The following CDH7 variants were observed in gnomAD, a reference collection of about 807,000 sequenced individuals.
CDH7 encodes the protein cadherin-7.
CDH7 carries 25 observed loss-of-function variants against 71.8 expected under a neutral mutation model. The ratio of observed to expected loss-of-function variants is 0.35; its 90% CI spans 0.25 to 0.49. The LOEUF is 0.49. Ranked by LOEUF, CDH7 falls within the 20% of genes least tolerant of loss-of-function variation. The pLI is 0.99. For synonymous variants in CDH7, 381 were observed against 363.8 expected (o/e 1.05, Z -0.54); for missense variants, 862 against 974.6 (o/e 0.88, Z 1.54).
intron 4 of CDH7, among the ~76,000 whole-genome samples, chr18:65,820,842 T>G (rs1486481608): frequency 6.6e-6 from 1 of 152,142 alleles, no homozygotes; most frequent in African/African-American, 2.4e-5. Context: ...GCTGCAGTGT[T>G]TCCTTTACTG....
At chr18:65,802,456 G>A (rs993563559) in intron 2 of CDH7, among the ~76,000 whole-genome samples, 1 of 152,132 alleles carries the variant, frequency 6.6e-6, no homozygotes, top group African/African-American at 2.4e-5. Context: ...CTCACTTTGA[G>A]TGGTGATACT....
chr18:65,813,153 A>G (rs1911601644), intron 3 of CDH7, among the ~76,000 whole-genome samples: 1 of 152,046 alleles, frequency 6.6e-6, no homozygotes, highest in South Asian at 2.1e-4. Context: ...ACCAACATGG[A>G]GAAACCCTGT....
At position 65,881,624 on chromosome 18, in the gene CDH7, CTGTT is replaced by C. The variant is rs1191632666; in HGVS notation, c.*731_*734del. The C allele has an allele frequency of 5.3e-5, 8 of 152,026 alleles. No homozygotes were observed. The highest frequency in any genetic ancestry group is 3.9e-4 in the East Asian group (2 of 5,164). 9.4% of individuals were successfully genotyped at this position (152,026 alleles called of 1,614,324 possible). On this transcript the variant is annotated 3_prime_UTR_variant, in exon 12 of 12. Coordinates refer to ENST00000397968, the MANE Select transcript of CDH7 (RefSeq NM_004361.5). ...GTATGATAAAAAAAAAAGTTGCTGT[CTGTT>C]CATTGATTTTTATTATCTCTTCTGA...
At position 65,813,476 on chromosome 18, in the gene CDH7, A is replaced by G. The variant is rs138434584; in HGVS notation, c.506-1009A>G. Among the ~76,000 whole-genome samples, 1,112 of 152,312 alleles carry G rather than the reference A, an allele frequency of 7.3e-3. 11 individuals are homozygous for G. Among genetic ancestry groups the G allele is most frequent in the African/African-American group, 0.026 (1,068 of 41,588 alleles). On this transcript the variant is annotated intron_variant, in intron 3 of 11. Transcript: ENST00000397968. Reference sequence around the variant, plus strand: ...GAAAATAAAGTGGATTTATAGCAAAATGGGCATTAATGACTTGCTTAAGTC... The same window carrying G: ...GAAAATAAAGTGGATTTATAGCAAAGTGGGCATTAATGACTTGCTTAAGTC...
At chr18:65,842,718 G>A (rs950658321) in intron 6 of CDH7, among the ~76,000 whole-genome samples, 1 of 151,934 alleles carries the variant, frequency 6.6e-6, no homozygotes, top group Non-Finnish European at 1.5e-5. Context: ...ACACACGTAT[G>A]CCCAAACATA....
At position 65,838,108 on chromosome 18, in the gene CDH7, A is replaced by G. The variant is rs147985663; in HGVS notation, c.982-5704A>G. ...GCAGGCTAACTTTTGTATTTTTAGT[A>G]GAGATGGGATTTCACCATGTTGACC... On this transcript the variant is annotated intron_variant, in intron 6 of 11. Transcript: ENST00000397968. 1.3e-3 allele frequency among the ~76,000 whole-genome samples: 199 copies of G among 152,010 alleles called. 3 individuals are homozygous for G. The highest frequency in any genetic ancestry group is 4.7e-3 in the African/African-American group (193 of 41,442).
chr18:65,825,449 C>A (rs1383729710), intron 6 of CDH7, among the ~76,000 whole-genome samples: 1 of 151,796 alleles, frequency 6.6e-6, no homozygotes, highest in South Asian at 2.1e-4. Context: ...AATTAGCTCT[C>A]AACACAGTTA....
chr18:65,795,670 A>G (rs974710811), intron 2 of CDH7, among the ~76,000 whole-genome samples: 7 of 152,298 alleles, frequency 4.6e-5, no homozygotes, highest in African/African-American at 1.2e-4. Flanking sequence ...ACCATTCATA[A>G]TATGTCCTTT....
chr18:65,777,387 T>C (rs6566174), intron 2 of CDH7, among the ~76,000 whole-genome samples: 60,432 of 151,718 alleles, frequency 0.4, 13,423 homozygotes, highest in African/African-American at 0.6. Flanking sequence ...ATGTTAAACG[T>C]ACCAAAAGCT....
chr18:65,828,597 T>A (rs756284), intron 6 of CDH7, among the ~76,000 whole-genome samples: 35,344 of 151,882 alleles, frequency 0.23, 4,275 homozygotes, highest in Non-Finnish European at 0.27. Flanking sequence ...AGGCTTCTGG[T>A]CAACAGTAGG....
At chr18:65,868,070 A>T (rs1913819122) in intron 11 of CDH7, among the ~76,000 whole-genome samples, 1 of 152,264 alleles carries the variant, frequency 6.6e-6, no homozygotes, top group Non-Finnish European at 1.5e-5. Context: ...GTGGAGAAAA[A>T]AAGTGGCAGC....
At chr18:65,778,775 T>C (rs1422501360) in intron 2 of CDH7, among the ~76,000 whole-genome samples, 1 of 151,578 alleles carries the variant, frequency 6.6e-6, no homozygotes, top group African/African-American at 2.4e-5. Context: ...TCAGGCATAA[T>C]TGAATGGTTT....
intron 6 of CDH7, among the ~76,000 whole-genome samples, chr18:65,837,080 T>C (rs1568211991): frequency 6.6e-6 from 1 of 152,194 alleles, no homozygotes; most frequent in South Asian, 2.1e-4. Context: ...TTATTGTTTA[T>C]ATATTATCTT....
At chr18:65,840,873 C>T (rs1912707922) in intron 6 of CDH7, among the ~76,000 whole-genome samples, 2 of 151,614 alleles carry the variant, frequency 1.3e-5, no homozygotes, top group Admixed American at 6.6e-5. Flanking sequence ...TTTCTATTTC[C>T]TTATTTGGTG....
intron 6 of CDH7, among the ~76,000 whole-genome samples, chr18:65,834,819 T>C (rs1188990764): frequency 6.6e-6 from 1 of 152,192 alleles, no homozygotes; most frequent in African/African-American, 2.4e-5. Context: ...TTTTGGTTCA[T>C]TTTATCTGGA....
chr18:65,776,743 A>AT, intron 2 of CDH7, among the ~76,000 whole-genome samples: 1 of 152,240 alleles, frequency 6.6e-6, no homozygotes. Context: ...CCTATACTTC[A>AT]TAAAGTTCTA....
At chr18:65,793,916 A>G (rs1910809642) in intron 2 of CDH7, among the ~76,000 whole-genome samples, 1 of 152,134 alleles carries the variant, frequency 6.6e-6, no homozygotes, top group African/African-American at 2.4e-5. Flanking sequence ...CAGAATATGA[A>G]TAATTTTGCT....
At chr18:65,871,459 T>A (rs535364120) in intron 11 of CDH7, among the ~76,000 whole-genome samples, 1 of 152,214 alleles carries the variant, frequency 6.6e-6, no homozygotes, top group South Asian at 2.1e-4. Flanking sequence ...GCAGATGAGG[T>A]CCTTAAATAG....
At chr18:65,750,714 C>G (rs924508533), upstream of CDH7, 7 of 152,566 alleles carry the variant, frequency 4.6e-5, no homozygotes, top group African/African-American at 1.4e-4. Context: ...TGACAGCAGG[C>G]GCCCGCCGCC....
Sources: gnomAD v4.1 joint callset for allele counts (sites outside exome capture counted in the v4.1 genomes callset) on GRCh38, gnomAD v4.1.1 for gene constraint, MANE v1.5 for transcripts, NCBI Gene and HGNC (gene_info 2026-07-23, HGNC 2026-07-21) for gene names.